CPT2: variants seen among roughly 807,000 people sequenced by gnomAD.
CPT2 encodes carnitine palmitoyltransferase 2.
A neutral mutation model predicts 48.6 loss-of-function variants in CPT2; 37 were observed. That is an observed-to-expected ratio of 0.76 (90% CI 0.59 to 1.00). The LOEUF is 1.00. CPT2 is among the 50% of genes least tolerant of loss of function. The pLI is 0.00. For synonymous variants in CPT2, 319 were observed against 326.9 expected (o/e 0.98, Z 0.26); for missense variants, 772 against 825.6 (o/e 0.94, Z 0.80).
At position 53,211,102 on chromosome 1, in the gene CPT2, G is replaced by A. The variant is rs149557870; in HGVS notation, c.1428G>A (p.Leu476=). 31 of 1,613,984 alleles carry A rather than the reference G, an allele frequency of 1.9e-5. No individual in the cohort carries two copies. In the African/African-American group the frequency reaches 3.5e-4, roughly 18 times the overall value. ...AGCTGGCATTCCAGATGGCCTTCCT[G>A]CGGCAGTACGGGCAGACAGTGGCCA... The part of the protein sequence containing the change: ...VAQLAFQMAF[L]RQYGQTVATY... The change falls in exon 4 of 5, where the codon CTG becomes CTA. Residue 476 remains leucine, a synonymous_variant. Transcript: ENST00000371486.
At position 53,213,418 on chromosome 1, in the gene CPT2, GGGCTTTGCCCCTGTGGTCTCTGAT is replaced by G. The variant is rs1557719624; in HGVS notation, c.1808_1831del (p.Ala603_Phe610del). On this transcript the variant is annotated inframe_deletion, in exon 5 of 5. Transcript: ENST00000371486. ...TGAGCAGCCCAGCAGTGAACCTTGG[GGGCTTTGCCCCTGTGGTCTCTGAT>G]GGCTTTGGTGTTGGGTATGCTGTTC... The G allele has an allele frequency of 6.2e-7, 1 of 1,614,230 alleles. No homozygotes were observed. Among genetic ancestry groups the G allele is most frequent in the South Asian group, 1.1e-5 (1 of 91,084 alleles).
intron 1 of CPT2, among the ~76,000 whole-genome samples, chr1:53,198,067 G>A (rs961693071): frequency 2.0e-5 from 3 of 152,062 alleles, no homozygotes; most frequent in Non-Finnish European, 4.4e-5. Flanking sequence ...CTCCGCTTTC[G>A]TCTGAGTTGC....
chr1:53,203,775 C>CTTTCTTT (rs1557714559), intron 3 of CPT2: 1 of 66,860 alleles, frequency 1.5e-5, no homozygotes, highest in Non-Finnish European at 4.0e-5. Context: ...TTGGCTTTTT[C>CTTTCTTT]TTTTTCTTTT....
chr1:53,204,811 C>A (rs1251657797), intron 3 of CPT2, among the ~76,000 whole-genome samples: 1 of 152,136 alleles, frequency 6.6e-6, no homozygotes, highest in Admixed American at 6.5e-5. Context: ...TTCAGCAGTT[C>A]CCCCACTTGT....
chr1:53,197,628 C>G (rs1022436260), intron 1 of CPT2: 2 of 218,344 alleles, frequency 9.2e-6, no homozygotes. Flanking sequence ...TGTTCTTTCA[C>G]CCCCCATGAG....
chr1:53,204,629 G>A (rs190029953), intron 3 of CPT2, among the ~76,000 whole-genome samples: 6 of 152,250 alleles, frequency 3.9e-5, no homozygotes, highest in Admixed American at 3.9e-4. Context: ...TTGCTCTAAT[G>A]TGATTGATAT....
Position 53,209,853 on chromosome 1 carries a change from G to GT in CPT2, c.341-161dup, listed in dbSNP as rs1381698508. 3 of 646,848 alleles carry GT rather than the reference G, an allele frequency of 4.6e-6. No individual in the cohort carries two copies. The East Asian group carries it at 8.1e-5, about 17-fold the overall frequency. 40.1% of individuals were successfully genotyped at this position (646,848 alleles called of 1,614,324 possible). On this transcript the variant is annotated intron_variant, in intron 3 of 4. Transcript: ENST00000371486. ...CACCATATATTGTATGACCCCATTT[G>GT]TATGTCTTGAATTATTGCAGAGCAA...
In CPT2 at chr1:53,200,823, A is replaced by G. The variant is rs779143296; in HGVS notation, c.233+24A>G. The G allele has an allele frequency of 3.8e-6, 6 of 1,585,954 alleles. No homozygotes were observed. The South Asian group carries it at 4.4e-5, about 12-fold the overall frequency. ...AGGTAAACACTGAGAACCTTGGGTG[A>G]GCATAGTTGGGGTGGTTCAAGACAG... On this transcript the variant is annotated intron_variant, in intron 2 of 4. Coordinates refer to ENST00000371486, the MANE Select transcript of CPT2 (RefSeq NM_000098.3).
rs1645417627 is a variant in CPT2, at chr1:53,210,631, C to T, written c.957C>T (p.Asp319=). Residue 319 remains aspartate (D), a synonymous_variant, in exon 4 of 5, where the codon GAC becomes GAT. Transcript: ENST00000371486. ...SGNEESLRKV[D]SAVFCLCLDD... is the part of the protein sequence containing the mutation. ...ATGAGGAGAGCCTGAGGAAAGTGGA[C>T]TCGGCAGTGTTCTGTCTCTGCCTAG... The T allele has an allele frequency of 1.5e-5, 24 of 1,614,038 alleles. No individual in the cohort carries two copies. Among genetic ancestry groups the T allele is most frequent in the Non-Finnish European group, 2.0e-5 (24 of 1,180,038 alleles).
In CPT2 at chr1:53,213,397, C is replaced by G. The variant is rs748484701; in HGVS notation, c.1779C>G (p.Ser593Arg). 6.2e-7 allele frequency: 1 copy of G among 1,614,262 alleles called. No individual in the cohort carries two copies. The highest frequency in any genetic ancestry group is 1.3e-5 in the African/African-American group (1 of 75,068). ...ATGTCCTGTCCACGAGCACACTGAG[C>G]AGCCCAGCAGTGAACCTTGGGGGCT... ...NHNVLSTSTL[S>R]SPAVNLGGFA... The change falls in exon 5 of 5, where the codon AGC becomes AGG. Residue 593 changes from serine to arginine, a missense_variant. Coordinates refer to ENST00000371486, the MANE Select transcript of CPT2 (RefSeq NM_000098.3).
intron 1 of CPT2, among the ~76,000 whole-genome samples, chr1:53,198,387 A>G (rs759364957): frequency 6.6e-6 from 1 of 152,214 alleles, no homozygotes; most frequent in African/African-American, 2.4e-5. Flanking sequence ...CCCTCTCAGG[A>G]GGATCGAGTG....
At chr1:53,203,545 TCTC>T (rs1159152473) in intron 3 of CPT2, 1 of 152,220 alleles carries the variant, frequency 6.6e-6, no homozygotes, top group African/African-American at 2.4e-5. Flanking sequence ...GCTGTCTGAA[TCTC>T]CTCTCAATAC....
chr1:53,209,519 C>A, intron 3 of CPT2: 1 of 187,068 alleles, frequency 5.3e-6, no homozygotes, highest in South Asian at 1.0e-4. Context: ...ATGGATGAAC[C>A]TTAAAAACAT....
In CPT2 at chr1:53,210,721, C is replaced by T. The variant is rs148512862; in HGVS notation, c.1047C>T (p.Asn349=). Residue 349 remains asparagine (N), a synonymous_variant, in exon 4 of 5, where the codon AAC becomes AAT. Coordinates refer to ENST00000371486, the MANE Select transcript of CPT2 (RefSeq NM_000098.3). ...ATATGCTGCATGGGGATGGCACAAA[C>T]CGCTGGTTTGATAAATCCTTTAACC... ...SHNMLHGDGT[N]RWFDKSFNLI... The T allele has an allele frequency of 6.8e-6, 11 of 1,614,092 alleles. No individual in the cohort carries two copies. The African/African-American group carries it at 1.2e-4, about 18-fold the overall frequency.
chr1:53,197,685 C>T (rs553807058), intron 1 of CPT2, among the ~76,000 whole-genome samples: 18 of 151,724 alleles, frequency 1.2e-4, no homozygotes, highest in Non-Finnish European at 2.6e-4. Flanking sequence ...CCTCAACTGA[C>T]CCTCCCCCAT....
intron 4 of CPT2, among the ~76,000 whole-genome samples, chr1:53,212,290 CCT>C (rs1451549043): frequency 2.0e-5 from 3 of 152,020 alleles, no homozygotes; most frequent in Non-Finnish European, 4.4e-5. Context: ...GTCTCAAACT[CCT>C]GACCTCATGA....
At chr1:53,208,504 T>C (rs1025899322) in intron 3 of CPT2, 2 of 152,270 alleles carry the variant, frequency 1.3e-5, no homozygotes, top group Non-Finnish European at 2.9e-5. Flanking sequence ...CTATAGGAAC[T>C]CAGAGGGCTA....
rs1231395018 is a variant in CPT2 at position 53,210,309 on chromosome 1, T to C, written c.635T>C (p.Leu212Pro). The change falls in exon 4 of 5, where the codon CTG (leucine) becomes CCG (proline). Residue 212 changes from leucine to proline, a missense_variant. Physicochemically the swap from Leu to Pro is moderately conservative, Grantham distance 98. Transcript: ENST00000371486. Reference sequence around the variant, plus strand: ...GCCTACCTGGTCAATGCGTATCCCCTGGATATGTCCCAGTATTTTCGGCTT... The same window carrying C: ...GCCTACCTGGTCAATGCGTATCCCCCGGATATGTCCCAGTATTTTCGGCTT... ...YGAYLVNAYPLDMSQYFRLFN... is the reference protein window; with the variant it reads ...YGAYLVNAYPPDMSQYFRLFN... The C allele has an allele frequency of 1.9e-6, 3 of 1,614,050 alleles. No individual in the cohort carries two copies. Among genetic ancestry groups the C allele is most frequent in the Non-Finnish European group, 2.5e-6 (3 of 1,180,038 alleles).
chr1:53,210,712 T>A lies in CPT2; in HGVS notation c.1038T>A (p.Asp346Glu). The A allele has an allele frequency of 6.2e-7, 1 of 1,614,202 alleles. No individual in the cohort carries two copies. Among genetic ancestry groups the A allele is most frequent in the Non-Finnish European group, 8.5e-7 (1 of 1,180,040 alleles). The change falls in exon 4 of 5, where the codon GAT becomes GAA. Residue 346 changes from aspartate to glutamate, a missense_variant. Coordinates refer to ENST00000371486, the MANE Select transcript of CPT2 (RefSeq NM_000098.3). ...VHLSHNMLHG[D>E]GTNRWFDKSF... ...TGTCCCACAATATGCTGCATGGGGATGGCACAAACCGCTGGTTTGATAAAT... is the reference window on the plus strand; with the variant it reads ...TGTCCCACAATATGCTGCATGGGGAAGGCACAAACCGCTGGTTTGATAAAT...
Sources: gnomAD v4.1 joint callset for allele counts (sites outside exome capture counted in the v4.1 genomes callset) on GRCh38, gnomAD v4.1.1 for gene constraint, MANE v1.5 for transcripts, NCBI Gene and HGNC (gene_info 2026-07-23, HGNC 2026-07-21) for gene names.